The following MGP variants were observed in gnomAD, a reference collection of about 807,000 sequenced individuals.
MGP encodes cell growth-inhibiting gene 36 protein.
A neutral mutation model predicts 14.5 loss-of-function variants in MGP; 13 were observed. The ratio of observed to expected loss-of-function variants is 0.89; its 90% confidence interval spans 0.58 to 1.42. The LOEUF (loss-of-function observed/expected upper bound fraction) is 1.42. Ranked by LOEUF, MGP falls within the 40% of genes most tolerant of loss-of-function variation. The probability of loss-of-function intolerance (pLI) is 0.00; values close to 1 mark genes in which losing one functional copy is unlikely to be tolerated. For missense variants in MGP, 128 were observed against 133.7 expected (o/e 0.96, Z 0.21); for synonymous variants, 44 against 46.3 (o/e 0.95, Z 0.20).
intron 1 of MGP, 27 bp downstream of exon 1, chr12:14,885,704 C>T (rs1863431157): frequency 3.7e-6 from 6 of 1,600,202 alleles, no homozygotes; most frequent in Non-Finnish European, 4.3e-6. Flanking sequence ...AAAGTAAACA[C>T]AGAGAAATGG....
chr12:14,884,371 A>G, intron 1 of MGP, 126 bp from the exon 2 acceptor site: 1 of 669,548 alleles, frequency 1.5e-6, no homozygotes, highest in Non-Finnish European at 2.4e-6. Flanking sequence ...GAGTCTAAAA[A>G]CATGAAGAAT....
chr12:14,881,727 G>A lies in MGP; in HGVS notation c.*412C>T, dbSNP rs1236242976. ...CGGATTCCAAGGTAGAGAGGGTTTA[G>A]AGAATTTATGGCTGAGTGAGTGCCT... On this transcript the variant is annotated 3_prime_UTR_variant, in exon 4 of 4. Transcript: ENST00000539261. 2 of 193,378 alleles carry A rather than the reference G, an allele frequency of 1.0e-5. No homozygotes were observed. The highest frequency in any genetic ancestry group is 4.7e-5 in the African/African-American group (2 of 42,168). The allele number at this position is 193,378 out of a possible 1,614,324, so 12.0% of individuals were successfully genotyped here.
In MGP at chr12:14,884,829, G is replaced by A. The variant is rs777049714; in HGVS notation, c.62-584C>T. On this transcript the variant is annotated intron_variant, in intron 1 of 3. Coordinates refer to ENST00000539261, the MANE Select transcript of MGP (RefSeq NM_000900.5). ...ACAGCTCACCCTGGGCACGATGCCA[G>A]TTCAGAGAGAGAACTGAAACGATAT... 3.9e-6 allele frequency: 6 copies of A among 1,534,604 alleles called. No homozygotes were observed. In the African/African-American group the frequency reaches 8.2e-5, roughly 21 times the overall value.
rs573581743 is a variant in MGP at position 14,885,425 on chromosome 12, A to C, written c.61+306T>G. Among the ~76,000 whole-genome samples, 7 of 152,328 alleles carry C rather than the reference A, an allele frequency of 4.6e-5. No individual in the cohort carries two copies. In the South Asian group the frequency reaches 1.5e-3, roughly 32 times the overall value. On this transcript the variant is annotated intron_variant, in intron 1 of 3. Transcript: ENST00000539261. ...CAAAGTCTAAATAAATATCCTTAAA[A>C]ATGAGGATGCAGGGGGCTGGGAATT...
chr12:14,884,417 T>A (rs1371803120), intron 1 of MGP, among the ~76,000 whole-genome samples, 172 bp from the exon 2 acceptor site: 3 of 152,108 alleles, frequency 2.0e-5, no homozygotes, highest in African/African-American at 7.2e-5. Context: ...ATTTCAGGAA[T>A]TTAGGATTTA....
intron 1 of MGP, 96 bp from the exon 2 acceptor site, chr12:14,884,341 A>G: frequency 1.2e-6 from 1 of 820,912 alleles, no homozygotes; most frequent in Non-Finnish European, 1.9e-6. Context: ...GTTTAAATAC[A>G]GGGATGGAAG....
In MGP at chr12:14,880,930, G is replaced by A. The variant is rs999533680; in HGVS notation, c.*1209C>T. Among the ~76,000 whole-genome samples, 2 of 152,100 alleles carry A rather than the reference G, an allele frequency of 1.3e-5. No individual in the cohort carries two copies. The highest frequency in any genetic ancestry group is 1.3e-4 in the Admixed American group (2 of 15,260). ...TAAGAATTACAACAAATTTTATATC[G>A]AAAAATTGTGCAAGCTAGAATTCAG... On this transcript the variant is annotated 3_prime_UTR_variant, in exon 4 of 4. Transcript: ENST00000539261.
intron 1 of MGP, 107 bp downstream of exon 1, chr12:14,885,624 A>T: frequency 1.2e-6 from 1 of 819,558 alleles, no homozygotes; most frequent in Non-Finnish European, 2.1e-6. Context: ...CTTTAAGATT[A>T]TAACAGAGAA....
intron 3 of MGP, 68 bp downstream of exon 3, chr12:14,882,904 C>A: frequency 3.0e-6 from 3 of 999,642 alleles, no homozygotes; most frequent in Admixed American, 3.6e-5. Context: ...AGCTGTTTCC[C>A]ACTCCAATTC....
intron 3 of MGP, 98 bp downstream of exon 3, chr12:14,882,874 A>G: frequency 1.3e-6 from 1 of 797,958 alleles, no homozygotes; most frequent in Non-Finnish European, 2.2e-6. Flanking sequence ...TACAATTAGA[A>G]ATAATGTATA....
chr12:14,884,988 C>A (rs1453899771), intron 1 of MGP: 1 of 946,688 alleles, frequency 1.1e-6, no homozygotes, highest in East Asian at 2.7e-5. Flanking sequence ...GAAATCAAAT[C>A]CTCTAATACA....
rs955021367 is a variant in MGP, at chr12:14,881,940, T to C, written c.*199A>G. The C allele has an allele frequency of 4.4e-5, 27 of 616,522 alleles. No individual in the cohort carries two copies. The African/African-American group carries it at 4.8e-4, about 11-fold the overall frequency. The allele number at this position is 616,522 out of a possible 1,614,324, so 38.2% of individuals were successfully genotyped here. On this transcript the variant is annotated 3_prime_UTR_variant, in exon 4 of 4. Coordinates refer to ENST00000539261, the MANE Select transcript of MGP (RefSeq NM_000900.5). ...TTATGGAACAATCACATATGTTGAC[T>C]CTCCTTTGACCCTCACTGCAGTGCA... is the stretch of plus-strand genomic sequence containing the variant.
intron 3 of MGP, 43 bp from the exon 4 acceptor site, chr12:14,882,323 G>T (rs781085458): frequency 6.8e-6 from 11 of 1,607,950 alleles, no homozygotes; most frequent in Non-Finnish European, 9.4e-6. Flanking sequence ...AGGATAAAGT[G>T]GAAAAATACA....
intron 3 of MGP, among the ~76,000 whole-genome samples, chr12:14,882,588 C>T (rs1863390661): frequency 6.6e-6 from 1 of 151,558 alleles, no homozygotes; most frequent in Non-Finnish European, 1.5e-5. Flanking sequence ...ATCCCAGCTA[C>T]TTGGGAGGCT....
rs1021843400 is a variant in MGP, at chr12:14,884,258, A to G, written c.62-13T>C. The G allele has an allele frequency of 1.5e-6, 2 of 1,372,814 alleles. No homozygotes were observed. The highest frequency in any genetic ancestry group is 2.9e-5 in the African/African-American group (2 of 69,160). 85.0% of individuals were successfully genotyped at this position (1,372,814 alleles called of 1,614,324 possible). A position where few individuals can be genotyped will look rare whatever the true frequency, so the allele number is the denominator to read the frequency against. On this transcript the variant is annotated splice_polypyrimidine_tract_variant and intron_variant, in intron 1 of 3. Coordinates refer to ENST00000539261, the MANE Select transcript of MGP (RefSeq NM_000900.5). Reference sequence around the variant, plus strand: ...CTTTCATGTGATTCTGAAATTAAAAAAAAAAGATTCATTATATCAATATTT... The same window carrying G: ...CTTTCATGTGATTCTGAAATTAAAAGAAAAAGATTCATTATATCAATATTT...
At chr12:14,884,850 G>A (rs564424778) in intron 1 of MGP, 31 of 1,535,160 alleles carry the variant, frequency 2.0e-5, no homozygotes, top group South Asian at 1.4e-4. Flanking sequence ...GAACTGAAAC[G>A]ATATCAAAGC....
chr12:14,885,648 G>A (rs1863430403), intron 1 of MGP, 83 bp downstream of exon 1: 7 of 965,090 alleles, frequency 7.3e-6, no homozygotes, highest in Non-Finnish European at 1.2e-5. Flanking sequence ...GGGAAGAAGA[G>A]GAGGAGGGAG....
At chr12:14,884,295 A>G in intron 1 of MGP, 50 bp from the exon 2 acceptor site, 1 of 1,176,762 alleles carries the variant, frequency 8.5e-7, no homozygotes, top group Non-Finnish European at 1.2e-6. Context: ...TCCATGATTC[A>G]TTATGTTATT....
chr12:14,883,037 A>G lies in MGP; in HGVS notation c.105T>C (p.Ile35=), dbSNP rs1271491226. The G allele has an allele frequency of 6.2e-7, 1 of 1,609,292 alleles. No individual in the cohort carries two copies. Among genetic ancestry groups the G allele is most frequent in the Non-Finnish European group, 8.5e-7 (1 of 1,175,690 alleles). The change falls in exon 3 of 4, where the codon ATT becomes ATC. Residue 35 remains isoleucine (I), a synonymous_variant. Transcript: ENST00000539261. ...SMESYELNPF[I]NRRNANTFIS... ...TGAAGGTATTTGCATTTCTCCTGTT[A>G]ATGAAGGGATCTTAGAACAGAAAAT... is the stretch of plus-strand genomic sequence containing the variant.
Sources: allele counts gnomAD v4.1 joint callset (sites outside exome capture counted in the v4.1 genomes callset), GRCh38; gene constraint gnomAD v4.1.1; transcripts MANE v1.5; gene names NCBI Gene and HGNC (gene_info 2026-07-23, HGNC 2026-07-21).